Variants in MTFR1 observed in about 807,000 individuals in gnomAD.
MTFR1 encodes the protein mitochondrial fission regulator 1.
A neutral mutation model predicts 38.8 loss-of-function variants in MTFR1; 28 were observed. That is an observed-to-expected ratio of 0.72 (90% CI 0.53 to 0.99). The LOEUF (loss-of-function observed/expected upper bound fraction) is 0.99, where lower values mean the gene tolerates loss of function less well. Among genes scored for constraint, MTFR1 ranks in the 50% least tolerant of loss-of-function variants. The pLI is 0.00. For missense variants in MTFR1, 358 were observed against 395.5 expected (o/e 0.91, Z 0.81); for synonymous variants, 145 against 137.0 (o/e 1.06, Z -0.41).
intron 2 of MTFR1, chr8:65,719,156 G>C: frequency 1.6e-6 from 1 of 640,216 alleles, no homozygotes; most frequent in Non-Finnish European, 2.8e-6. Context: ...AGGAAATCTT[G>C]GAAATAAATA....
downstream of MTFR1, among the ~76,000 whole-genome samples, chr8:65,773,810 A>C (rs1412921259): frequency 6.6e-6 from 1 of 151,988 alleles, no homozygotes; most frequent in Non-Finnish European, 1.5e-5. Context: ...TCTCCCACTA[A>C]AACGTCCCAT....
intron 3 of MTFR1, among the ~76,000 whole-genome samples, chr8:65,743,540 G>A (rs1005433232): frequency 2.2e-4 from 33 of 152,188 alleles, no homozygotes; most frequent in Admixed American, 1.7e-3. Flanking sequence ...TTTATTTTCT[G>A]TCAACACTGC....
At chr8:65,772,629 A>G (rs1320136993), downstream of MTFR1, among the ~76,000 whole-genome samples, 3 of 152,250 alleles carry the variant, frequency 2.0e-5, no homozygotes, top group Non-Finnish European at 2.9e-5. Context: ...CTTAAGATTC[A>G]TAACTGGAAA....
chr8:65,686,219 T>C (rs1480056329), intron 3 of MTFR1, among the ~76,000 whole-genome samples: 5 of 152,210 alleles, frequency 3.3e-5, no homozygotes, highest in Non-Finnish European at 7.3e-5. Flanking sequence ...TATAATTTTA[T>C]AGTCAGTTGG....
At chr8:65,761,233 T>C (rs13251608) in intron 3 of MTFR1, among the ~76,000 whole-genome samples, 9 of 151,768 alleles carry the variant, frequency 5.9e-5, no homozygotes, top group African/African-American at 1.9e-4. Flanking sequence ...GCCCAGCTAA[T>C]GTTTGTATTT....
chr8:65,739,649 T>C (rs758879862), intron 3 of MTFR1: 29 of 1,392,128 alleles, frequency 2.1e-5, no homozygotes, highest in Non-Finnish European at 2.5e-5. Context: ...GTCAACACAA[T>C]TATATTATGC....
chr8:65,668,411 C>T (rs928337968), intron 1 of MTFR1, among the ~76,000 whole-genome samples: 3 of 150,150 alleles, frequency 2.0e-5, no homozygotes, highest in East Asian at 2.0e-4. Flanking sequence ...TGGTCTCAAA[C>T]TCCTGACCTC....
intron 2 of MTFR1, among the ~76,000 whole-genome samples, chr8:65,671,059 C>T (rs1260492414): frequency 6.6e-6 from 1 of 152,020 alleles, no homozygotes; most frequent in Non-Finnish European, 1.5e-5. Flanking sequence ...TTTGAATCTC[C>T]CCAACTTCCA....
chr8:65,719,441 T>C (rs779183686), exon 3 of MTFR1: 7 of 1,614,038 alleles, frequency 4.3e-6, no homozygotes, highest in African/African-American at 1.3e-5. Context: ...TAGCCTTGTA[T>C]TGGAAAACCT....
downstream of MTFR1, among the ~76,000 whole-genome samples, chr8:65,712,073 A>G (rs889576511): frequency 6.6e-6 from 1 of 152,234 alleles, no homozygotes; most frequent in Non-Finnish European, 1.5e-5. Flanking sequence ...AGGTATAAAA[A>G]CATTCTGTTA....
chr8:65,723,737 A>G, intron 3 of MTFR1: 3 of 654,830 alleles, frequency 4.6e-6, no homozygotes, highest in Non-Finnish European at 7.0e-6. Flanking sequence ...AATCCTCATG[A>G]GAGGACAGCT....
chr8:65,720,885 G>A (rs1806348095), intron 3 of MTFR1, among the ~76,000 whole-genome samples: 1 of 152,178 alleles, frequency 6.6e-6, no homozygotes, highest in South Asian at 2.1e-4. Context: ...GTGCCATAAA[G>A]TCATAAGCCA....
Position 65,707,096 on chromosome 8 carries a change from C to G in MTFR1, c.604C>G (p.His202Asp). 6.2e-7 allele frequency: 1 copy of G among 1,613,974 alleles called. No individual in the cohort carries two copies. The highest frequency in any genetic ancestry group is 1.1e-5 in the South Asian group (1 of 91,076). The change falls in exon 6 of 8, where the codon CAC becomes GAC. Residue 202 changes from histidine (H) to aspartate (D), a missense_variant. His to Asp is a moderately conservative substitution (Grantham distance 81). Coordinates refer to ENST00000262146, the MANE Select transcript of MTFR1 (RefSeq NM_014637.4). ...PPLPPPALGL[H>D]QSTSAVDLIK... The stretch of plus-strand genomic sequence containing the variant: ...CCTGCCTCCCCCTGCACTGGGGCTC[C>G]ACCAAAGTACATCTGCTGTTGATCT...
intron 3 of MTFR1, among the ~76,000 whole-genome samples, chr8:65,684,017 C>A (rs1194654741): frequency 6.6e-6 from 1 of 152,166 alleles, no homozygotes; most frequent in Non-Finnish European, 1.5e-5. Context: ...TTCTGGTTAA[C>A]TATCTTACCT....
In MTFR1 at chr8:65,709,241, C is replaced by T. The variant is rs1184517097; in HGVS notation, c.*197C>T. 15 of 557,170 alleles carry T rather than the reference C, an allele frequency of 2.7e-5. No homozygotes were observed. In the East Asian group the frequency reaches 4.4e-4, roughly 16 times the overall value. 34.5% of individuals were successfully genotyped at this position (557,170 alleles called of 1,614,324 possible). ...TTGTGAGATGGTCAGCTTTGGTGCT[C>T]TCCACAACATGTGTGTTCTGACATG... On this transcript the variant is annotated 3_prime_UTR_variant, in exon 8 of 8. Coordinates refer to ENST00000262146, the MANE Select transcript of MTFR1 (RefSeq NM_014637.4).
chr8:65,710,641 T>C (rs1805917811), downstream of MTFR1: 1 of 152,204 alleles, frequency 6.6e-6, no homozygotes, highest in Admixed American at 6.5e-5. Context: ...ATAATTTTCT[T>C]TCTGCATTTT....
intron 2 of MTFR1, among the ~76,000 whole-genome samples, chr8:65,670,665 A>T (rs1283598608): frequency 6.6e-6 from 1 of 151,368 alleles, no homozygotes; most frequent in Admixed American, 6.6e-5. Context: ...AATTTTATTT[A>T]TTGAAGATAC....
chr8:65,714,406 G>T (rs1211186422), downstream of MTFR1: 1 of 152,098 alleles, frequency 6.6e-6, no homozygotes, highest in African/African-American at 2.4e-5. Flanking sequence ...GAACCAGGAA[G>T]ATGGAGGAGA....
chr8:65,678,904 G>C (rs973795056), intron 2 of MTFR1, among the ~76,000 whole-genome samples: 2 of 151,830 alleles, frequency 1.3e-5, no homozygotes, highest in Admixed American at 6.6e-5. Flanking sequence ...AAAAAAAAAA[G>C]CTGAATCATT....
Sources: gnomAD v4.1 joint callset for allele counts (sites outside exome capture counted in the v4.1 genomes callset) on GRCh38, gnomAD v4.1.1 for gene constraint, MANE v1.5 for transcripts, NCBI Gene and HGNC (gene_info 2026-07-23, HGNC 2026-07-21) for gene names.